AGBL4: variants seen among roughly 807,000 people sequenced by gnomAD.
AGBL4 encodes the protein cytosolic carboxypeptidase 6.
AGBL4 carries 58 observed loss-of-function variants against 66.4 expected under a neutral mutation model. The observed-to-expected ratio is 0.87, with a 90% CI of 0.71 to 1.09. The LOEUF (loss-of-function observed/expected upper bound fraction) is 1.09, where lower values mean the gene tolerates loss of function less well. AGBL4 is among the 50% of genes least tolerant of loss of function. The pLI is 0.00. For missense variants in AGBL4, 579 were observed against 631.0 expected (o/e 0.92, Z 0.88); for synonymous variants, 234 against 222.9 (o/e 1.05, Z -0.44).
intron 4 of AGBL4, among the ~76,000 whole-genome samples, chr1:49,130,759 CT>C (rs1645875095): frequency 6.6e-6 from 1 of 152,010 alleles, no homozygotes. Context: ...ATGCCTCCAG[CT>C]TTGTTCTTTT....
chr1:49,640,229 G>A (rs1191968785), intron 3 of AGBL4, among the ~76,000 whole-genome samples: 2 of 152,182 alleles, frequency 1.3e-5, no homozygotes, highest in Non-Finnish European at 2.9e-5. Flanking sequence ...AGATAGCTTT[G>A]TTAAGATTCA....
chr1:49,324,056 A>C lies in AGBL4; in HGVS notation c.283-78192T>G, dbSNP rs373671188. Among the ~76,000 whole-genome samples, 4 of 152,244 alleles carry C rather than the reference A, an allele frequency of 2.6e-5. No individual in the cohort carries two copies. In the East Asian group the frequency reaches 7.7e-4, roughly 29 times the overall value. ...ACCAGGATTCCAGTGAATGCTAGCT[A>C]AACAAATTAACGAATAAATGACTTT... On this transcript the variant is annotated intron_variant, in intron 3 of 13. Coordinates refer to ENST00000371839, the MANE Select transcript of AGBL4 (RefSeq NM_032785.4).
At chr1:48,573,170 C>T (rs1644596301) in intron 11 of AGBL4, among the ~76,000 whole-genome samples, 1 of 152,216 alleles carries the variant, frequency 6.6e-6, no homozygotes, top group Non-Finnish European at 1.5e-5. Context: ...CCCTCCTGCT[C>T]TTCCCCTTCA....
In AGBL4 at chr1:48,825,166, G is replaced by A. The variant is rs187306818; in HGVS notation, c.634+42025C>T. Among the ~76,000 whole-genome samples, 336 of 152,214 alleles carry A rather than the reference G, an allele frequency of 2.2e-3. 1 individual carries two copies. Among genetic ancestry groups the A allele is most frequent in the African/African-American group, 7.8e-3 (323 of 41,532 alleles). On this transcript the variant is annotated intron_variant, in intron 6 of 13. Coordinates refer to ENST00000371839, the MANE Select transcript of AGBL4 (RefSeq NM_032785.4). ...GGGAAACAAGAATAATTTCAGCTTCGAACACAAACACAATTCTCTTCGCTT... is the reference window on the plus strand; with the variant it reads ...GGGAAACAAGAATAATTTCAGCTTCAAACACAAACACAATTCTCTTCGCTT...
chr1:49,758,565 T>C (rs1237028073), intron 2 of AGBL4, among the ~76,000 whole-genome samples: 1 of 152,112 alleles, frequency 6.6e-6, no homozygotes, highest in African/African-American at 2.4e-5. Context: ...AGGATATCAT[T>C]TGGGAGCTTT....
intron 4 of AGBL4, among the ~76,000 whole-genome samples, chr1:49,168,371 G>A (rs965033301): frequency 6.6e-6 from 1 of 152,180 alleles, no homozygotes; most frequent in African/African-American, 2.4e-5. Flanking sequence ...TAGTCCAGAT[G>A]AGAATACTCA....
chr1:49,022,808 G>A (rs1320951698), intron 5 of AGBL4, among the ~76,000 whole-genome samples: 1 of 152,164 alleles, frequency 6.6e-6, no homozygotes, highest in Non-Finnish European at 1.5e-5. Flanking sequence ...TGTATATGTT[G>A]TGGAATACCT....
At chr1:49,304,763 C>G (rs1454187356) in intron 3 of AGBL4, among the ~76,000 whole-genome samples, 1 of 152,046 alleles carries the variant, frequency 6.6e-6, no homozygotes, top group African/African-American at 2.4e-5. Flanking sequence ...ACAAGAATTG[C>G]TTTTCAACAA....
At chr1:49,234,134 T>C (rs1464342271) in intron 4 of AGBL4, among the ~76,000 whole-genome samples, 2 of 152,194 alleles carry the variant, frequency 1.3e-5, no homozygotes, top group Admixed American at 1.3e-4. Context: ...GAAATCAACT[T>C]GTATTTGCTT....
At chr1:48,950,390 A>T (rs1233973571) in intron 5 of AGBL4, among the ~76,000 whole-genome samples, 1 of 152,180 alleles carries the variant, frequency 6.6e-6, no homozygotes, top group Non-Finnish European at 1.5e-5. Flanking sequence ...GAGCCACCGC[A>T]CCTGGCCGAC....
chr1:49,538,409 G>T (rs1651765904), intron 3 of AGBL4, among the ~76,000 whole-genome samples: 1 of 152,208 alleles, frequency 6.6e-6, no homozygotes, highest in East Asian at 1.9e-4. Context: ...AGAAGGTGAT[G>T]AGAAATTACT....
At chr1:49,137,976 T>C (rs190239326) in intron 4 of AGBL4, among the ~76,000 whole-genome samples, 72 of 152,094 alleles carry the variant, frequency 4.7e-4, no homozygotes, top group African/African-American at 1.5e-3. Context: ...ACAAGGAAGA[T>C]TTACATACAC....
chr1:48,999,621 GAAAGCCTGGGTCCAA>G (rs1217574969), intron 5 of AGBL4, among the ~76,000 whole-genome samples: 1 of 152,134 alleles, frequency 6.6e-6, no homozygotes, highest in Non-Finnish European at 1.5e-5. Context: ...TTGGAAGGCA[GAAAGCCTGGGTCCAA>G]TCTTTTCCTT....
At chr1:48,972,170 T>C (rs1454027130) in intron 5 of AGBL4, among the ~76,000 whole-genome samples, 2 of 152,178 alleles carry the variant, frequency 1.3e-5, no homozygotes, top group Non-Finnish European at 1.5e-5. Flanking sequence ...GGTGCTTTTT[T>C]CATGAAAAGT....
At chr1:48,713,785 T>C (rs896971099) in intron 6 of AGBL4, among the ~76,000 whole-genome samples, 4 of 152,206 alleles carry the variant, frequency 2.6e-5, no homozygotes, top group Non-Finnish European at 5.9e-5. Context: ...GCCTGCCTGC[T>C]ATTCCCTCTC....
intron 3 of AGBL4, among the ~76,000 whole-genome samples, chr1:49,576,454 C>G (rs1239299549): frequency 6.6e-6 from 1 of 152,164 alleles, no homozygotes; most frequent in Non-Finnish European, 1.5e-5. Context: ...GATTTTGGAG[C>G]AAGGCCCTGC....
rs147049812 is a variant in AGBL4 at position 48,893,748 on chromosome 1, A to G, written c.595-26518T>C. ...CAGAGAGCTGGGTAGCTCTCTTTCT[A>G]CCATTTCTACCATGCGAGGCTACAA... On this transcript the variant is annotated intron_variant, in intron 5 of 13. Transcript: ENST00000371839. Among the ~76,000 whole-genome samples, 572 of 152,142 alleles carry G rather than the reference A, an allele frequency of 3.8e-3. 7 individuals carry two copies. The highest frequency in any genetic ancestry group is 0.014 in the Admixed American group (218 of 15,280).
At chr1:49,621,376 C>G (rs143591024) in intron 3 of AGBL4, among the ~76,000 whole-genome samples, 334 of 152,164 alleles carry the variant, frequency 2.2e-3, no homozygotes, top group African/African-American at 7.7e-3. Context: ...CAAACTAGAA[C>G]TTTTTAAAAG....
intron 3 of AGBL4, among the ~76,000 whole-genome samples, chr1:49,628,053 A>G (rs1645498213): frequency 6.6e-6 from 1 of 152,166 alleles, no homozygotes; most frequent in African/African-American, 2.4e-5. Flanking sequence ...AGAGTTCCAG[A>G]TGCATGGTCA....
Sources: gnomAD v4.1 joint callset for allele counts (sites outside exome capture counted in the v4.1 genomes callset) on GRCh38, gnomAD v4.1.1 for gene constraint, MANE v1.5 for transcripts, NCBI Gene and HGNC (gene_info 2026-07-23, HGNC 2026-07-21) for gene names.